The following DCHS2 variants were observed in gnomAD, a reference collection of about 807,000 sequenced individuals.
DCHS2 encodes the protein protocadherin-23.
Under a neutral mutation model 182.4 loss-of-function variants are expected in DCHS2, and 142 were observed. The ratio of observed to expected loss-of-function variants is 0.78; its 90% confidence interval spans 0.68 to 0.89. The LOEUF (loss-of-function observed/expected upper bound fraction) is 0.89, where lower values mean the gene tolerates loss of function less well. Among genes scored for constraint, DCHS2 ranks in the 40% least tolerant of loss-of-function variants. The pLI is 0.00. For missense variants in DCHS2, 4,319 were observed against 4,198.6 expected, an observed-to-expected ratio of 1.03 and a Z score of -0.79; for synonymous variants, 1,740 against 1,663.3, an observed-to-expected ratio of 1.05 and a Z score of -1.12.
In DCHS2 at chr4:154,320,528, G is replaced by A; in HGVS notation, c.4871C>T (p.Pro1624Leu). ...GACATCCTCTTTGACATGGGCATTG[G>A]GGAAAGAAATAAAAGTGGGGTTGTG... ...NDHNPTFISF[P>L]NAHVKEDVTV... Residue 1624 changes from proline (P) to leucine (L), a missense_variant, in exon 9 of 20, where the codon CCC becomes CTC. Coordinates refer to ENST00000357232, the MANE Select transcript of DCHS2 (RefSeq NM_001358235.2). 1 of 1,614,020 alleles carries A rather than the reference G, an allele frequency of 6.2e-7. No homozygotes were observed. Among genetic ancestry groups the A allele is most frequent in the Non-Finnish European group, 8.5e-7 (1 of 1,179,980 alleles).
chr4:154,246,690 A>C (rs145055299), intron 16 of DCHS2, among the ~76,000 whole-genome samples: 60 of 152,294 alleles, frequency 3.9e-4, no homozygotes, highest in Middle Eastern at 3.4e-3. Context: ...CAAGAGTTGG[A>C]TATTATTTAA....
intron 1 of DCHS2, among the ~76,000 whole-genome samples, chr4:154,411,564 C>A (rs1458354643): frequency 2.0e-5 from 3 of 151,818 alleles, no homozygotes; most frequent in Non-Finnish European, 1.5e-5. Context: ...ACCACTGACT[C>A]CAGCCTCAGT....
intron 10 of DCHS2, among the ~76,000 whole-genome samples, chr4:154,308,241 G>A (rs1198462798): frequency 4.0e-5 from 6 of 150,718 alleles, no homozygotes; most frequent in Admixed American, 6.6e-5. Context: ...CATCATATAT[G>A]GCTGACCAAT....
In DCHS2 at chr4:154,298,323, A is replaced by C. The variant is rs753482096; in HGVS notation, c.5991T>G (p.Arg1997=). The part of the protein sequence containing the change: ...GTLKTSNTLD[R]EARSQHTFSA... ...TAAATGTATGCTGAGATCTGGCTTC[A>C]CGGTCGAGGGTGTTGCTGGTTTTCA... Residue 1997 remains arginine, a synonymous_variant, in exon 13 of 20, where the codon CGT becomes CGG. Coordinates refer to ENST00000357232, the MANE Select transcript of DCHS2 (RefSeq NM_001358235.2). 3 of 1,614,174 alleles carry C rather than the reference A, an allele frequency of 1.9e-6. No individual in the cohort carries two copies. Among genetic ancestry groups the C allele is most frequent in the Non-Finnish European group, 2.5e-6 (3 of 1,180,012 alleles).
chr4:154,442,443 G>T (rs903782046), intron 1 of DCHS2, among the ~76,000 whole-genome samples: 1 of 150,502 alleles, frequency 6.6e-6, no homozygotes, highest in African/African-American at 2.4e-5. Flanking sequence ...AATAATCCAG[G>T]TCTATGACCT....
intron 1 of DCHS2, among the ~76,000 whole-genome samples, chr4:154,464,620 A>G (rs1735161537): frequency 6.6e-6 from 1 of 152,238 alleles, no homozygotes; most frequent in African/African-American, 2.4e-5. Flanking sequence ...TCTCTCACGT[A>G]TAGTAAAGAT....
At chr4:154,315,126 G>C (rs1233808416) in intron 10 of DCHS2, among the ~76,000 whole-genome samples, 1 of 152,172 alleles carries the variant, frequency 6.6e-6, no homozygotes, top group East Asian at 1.9e-4. Context: ...AGTAAAAATA[G>C]TAACAAAGTT....
At chr4:154,240,932 T>A in intron 17 of DCHS2, 109 bp from the exon 18 acceptor site, 17 of 1,453,126 alleles carry the variant, frequency 1.2e-5, no homozygotes, top group Non-Finnish European at 1.5e-5. Context: ...TATGATTTGC[T>A]CTTTCTTGGC....
At chr4:154,258,784 A>G (rs1344144888) in intron 15 of DCHS2, among the ~76,000 whole-genome samples, 11 of 152,120 alleles carry the variant, frequency 7.2e-5, no homozygotes, top group Non-Finnish European at 4.4e-5. Flanking sequence ...TAGCCCAGAG[A>G]AAAAGGGGTG....
rs1730350997 is a variant in DCHS2, at chr4:154,366,280, T to A, written c.2406A>T (p.Ile802=). 1.2e-6 allele frequency: 2 copies of A among 1,613,800 alleles called. No homozygotes were observed. Among genetic ancestry groups the A allele is most frequent in the Non-Finnish European group, 1.7e-6 (2 of 1,179,920 alleles). ...NVLATDQDSG[I]YGTVAYELIP... ...TAAGCTCATAAGCCACTGTCCCATA[T>A]ATCCCAGAGTCCTGGTCAGTGGCAA... The change falls in exon 3 of 20, where the codon ATA becomes ATT. Residue 802 remains isoleucine (I), a synonymous_variant. Transcript: ENST00000357232.
chr4:154,315,400 A>T (rs1735816550), intron 10 of DCHS2, among the ~76,000 whole-genome samples: 2 of 152,264 alleles, frequency 1.3e-5, no homozygotes, highest in South Asian at 4.2e-4. Context: ...AGAACCATTT[A>T]TCTTCTTCTT....
rs372014400 is a variant in DCHS2 at position 154,236,446 on chromosome 4, A to G, written c.8206T>C (p.Phe2736Leu). The G allele has an allele frequency of 2.5e-6, 4 of 1,613,890 alleles. No individual in the cohort carries two copies. The highest frequency in any genetic ancestry group is 2.2e-5 in the East Asian group (1 of 44,870). The stretch of plus-strand genomic sequence containing the variant: ...TCTGAAGCTTGGACAGTTAAGGTGA[A>G]TTTTGTCATTTTTTCATAATCCAGA... ...KPLDYEKMTK[F>L]TLTVQASDAE... Residue 2736 changes from phenylalanine to leucine, a missense_variant, in exon 20 of 20, where the codon TTC becomes CTC. Coordinates refer to ENST00000357232, the MANE Select transcript of DCHS2 (RefSeq NM_001358235.2).
chr4:154,490,217 T>G lies in DCHS2; in HGVS notation c.1139A>C (p.Gln380Pro), dbSNP rs1323037448. ...TCCATCGCGGGCCTCCACCACCAAC[T>G]GGTGCCAGGCCTGTGCCTCGCGGTC... ...PLDREAQAWH[Q>P]LVVEARDGGA... is the part of the protein sequence containing the mutation. The change falls in exon 1 of 20, where the codon CAG becomes CCG. Residue 380 changes from glutamine (Q) to proline (P), a missense_variant. Coordinates refer to ENST00000357232, the MANE Select transcript of DCHS2 (RefSeq NM_001358235.2). 1 of 1,549,612 alleles carries G rather than the reference T, an allele frequency of 6.5e-7. No homozygotes were observed. Among genetic ancestry groups the G allele is most frequent in the African/African-American group, 1.4e-5 (1 of 73,150 alleles).
chr4:154,480,268 T>C (rs1187058037), intron 1 of DCHS2, among the ~76,000 whole-genome samples: 3 of 152,212 alleles, frequency 2.0e-5, no homozygotes. Context: ...CTAAAAATAA[T>C]ATTTAATCGC....
chr4:154,308,642 A>C (rs1284917007), intron 10 of DCHS2, among the ~76,000 whole-genome samples: 1 of 152,234 alleles, frequency 6.6e-6, no homozygotes, highest in Non-Finnish European at 1.5e-5. Flanking sequence ...GTGTGATGGA[A>C]TATATGAAAT....
intron 2 of DCHS2, among the ~76,000 whole-genome samples, chr4:154,371,084 T>G (rs1407460551): frequency 6.6e-6 from 1 of 152,042 alleles, no homozygotes; most frequent in Admixed American, 6.6e-5. Context: ...AGGCTCAGGG[T>G]GCTGGGTTGT....
chr4:154,283,939 C>T (rs1475900647), intron 13 of DCHS2, among the ~76,000 whole-genome samples: 1 of 152,144 alleles, frequency 6.6e-6, no homozygotes, highest in Non-Finnish European at 1.5e-5. Context: ...AGCTAGAATC[C>T]AGAGCCTGCA....
chr4:154,383,072 A>G (rs1561080830), intron 1 of DCHS2, among the ~76,000 whole-genome samples: 2 of 152,244 alleles, frequency 1.3e-5, no homozygotes, highest in Admixed American at 6.5e-5. Flanking sequence ...AATAGCAAAA[A>G]CATAGAATCA....
rs1175410233 is a variant in DCHS2, at chr4:154,242,635, C to T, written c.7072+7G>A. On this transcript the variant is annotated splice_region_variant and intron_variant, in intron 17 of 19. Transcript: ENST00000357232. The stretch of plus-strand genomic sequence containing the variant: ...TCAAAACCACTATGCCAAATTGTCA[C>T]ACTTACCTTCTGTAATTTCCACTGC... The T allele has an allele frequency of 8.7e-6, 14 of 1,600,018 alleles. No homozygotes were observed. Among genetic ancestry groups the T allele is most frequent in the Non-Finnish European group, 1.1e-5 (13 of 1,172,994 alleles).
Sources: allele counts gnomAD v4.1 joint callset (sites outside exome capture counted in the v4.1 genomes callset), GRCh38; gene constraint gnomAD v4.1.1; transcripts MANE v1.5; gene names NCBI Gene and HGNC (gene_info 2026-07-23, HGNC 2026-07-21).